ALK: variants seen among roughly 807,000 people sequenced by gnomAD.
ALK encodes the protein ALK receptor tyrosine kinase, also known as ALK tyrosine kinase receptor.
A neutral mutation model predicts 163.1 loss-of-function variants in ALK; 74 were observed. The observed-to-expected ratio is 0.45, with a 90% CI of 0.38 to 0.55. The LOEUF is 0.55. Among genes scored for constraint, ALK ranks in the 20% least tolerant of loss-of-function variants. The pLI is 0.00. For synonymous variants in ALK, 960 were observed against 843.2 expected (o/e 1.14, Z -2.40); for missense variants, 2,063 against 2,105.3 (o/e 0.98, Z 0.39).
chr2:29,365,073 C>T (rs899789926), intron 5 of ALK, among the ~76,000 whole-genome samples: 2 of 152,170 alleles, frequency 1.3e-5, no homozygotes, highest in African/African-American at 4.8e-5. Flanking sequence ...TCGGTGGATG[C>T]TGTTTGTGGC....
At chr2:29,842,882 C>T (rs201084422) in intron 1 of ALK, among the ~76,000 whole-genome samples, 4 of 152,276 alleles carry the variant, frequency 2.6e-5, no homozygotes, top group Admixed American at 2.0e-4. Context: ...AAACTATAGG[C>T]TTCCCATCTT....
chr2:29,408,551 G>T (rs1669649762), intron 4 of ALK, among the ~76,000 whole-genome samples: 1 of 152,236 alleles, frequency 6.6e-6, no homozygotes, highest in African/African-American at 2.4e-5. Flanking sequence ...TGAAGTCAGT[G>T]TTCAATCGAG....
At chr2:29,783,826 C>T (rs1322400487) in intron 1 of ALK, among the ~76,000 whole-genome samples, 1 of 152,146 alleles carries the variant, frequency 6.6e-6, no homozygotes, top group African/African-American at 2.4e-5. Flanking sequence ...CCACGGTCAC[C>T]CCCAGGGACA....
intron 1 of ALK, among the ~76,000 whole-genome samples, chr2:29,772,915 T>C (rs946976531): frequency 2.0e-5 from 3 of 152,278 alleles, no homozygotes; most frequent in Non-Finnish European, 2.9e-5. Flanking sequence ...AGGACTTCTG[T>C]GTAGGGGGAA....
chr2:29,878,441 C>A (rs147045542), intron 1 of ALK, among the ~76,000 whole-genome samples: 1 of 152,320 alleles, frequency 6.6e-6, no homozygotes, highest in African/African-American at 2.4e-5. Context: ...CTGAGGCTCA[C>A]ATGACTTGCC....
chr2:29,623,684 T>C (rs1050721729), intron 3 of ALK, among the ~76,000 whole-genome samples: 1 of 152,240 alleles, frequency 6.6e-6, no homozygotes, highest in African/African-American at 2.4e-5. Context: ...TGTTCTTAAC[T>C]GTAATGATAT....
At chr2:29,322,475 C>T (rs745928069) in intron 6 of ALK, among the ~76,000 whole-genome samples, 3 of 152,258 alleles carry the variant, frequency 2.0e-5, no homozygotes, top group Non-Finnish European at 2.9e-5. Flanking sequence ...ACATCTACTT[C>T]TCTTGCAGAA....
chr2:29,411,984 G>A (rs1468078398), intron 4 of ALK, among the ~76,000 whole-genome samples: 2 of 152,204 alleles, frequency 1.3e-5, no homozygotes, highest in African/African-American at 4.8e-5. Flanking sequence ...AGTCTTAGAT[G>A]TTGTAATCCT....
chr2:29,218,935 C>T (rs1053722249), intron 23 of ALK, among the ~76,000 whole-genome samples: 2 of 152,224 alleles, frequency 1.3e-5, no homozygotes, highest in Admixed American at 1.3e-4. Context: ...AAGGACACAA[C>T]CTCATCTTGA....
At chr2:29,872,152 T>C (rs1213495036) in intron 1 of ALK, among the ~76,000 whole-genome samples, 31 of 152,188 alleles carry the variant, frequency 2.0e-4, no homozygotes, top group Non-Finnish European at 7.3e-5. Context: ...CCCAGAATAT[T>C]TGAACAATGA....
intron 3 of ALK, among the ~76,000 whole-genome samples, chr2:29,593,749 GCT>G (rs1486098585): frequency 6.6e-6 from 1 of 152,230 alleles, no homozygotes; most frequent in Admixed American, 6.5e-5. Flanking sequence ...GCAGAATCTT[GCT>G]CTTTTTACTT....
chr2:29,682,908 G>A (rs961374256), intron 3 of ALK, among the ~76,000 whole-genome samples: 1 of 152,146 alleles, frequency 6.6e-6, no homozygotes, highest in Non-Finnish European at 1.5e-5. Flanking sequence ...AAGTCATGGT[G>A]CTCCAGAAAA....
At chr2:29,911,019 T>C (rs1667687249) in intron 1 of ALK, among the ~76,000 whole-genome samples, 1 of 152,116 alleles carries the variant, frequency 6.6e-6, no homozygotes, top group Non-Finnish European at 1.5e-5. Context: ...TACTGGGGAC[T>C]CTGAAAAGTA....
chr2:29,907,463 G>A (rs533383893), intron 1 of ALK, among the ~76,000 whole-genome samples: 2 of 152,092 alleles, frequency 1.3e-5, no homozygotes, highest in South Asian at 4.2e-4. Flanking sequence ...TTCCTGCTCT[G>A]TACAAGACAC....
At chr2:29,771,314 TA>T (rs1277855799) in intron 1 of ALK, among the ~76,000 whole-genome samples, 3 of 152,132 alleles carry the variant, frequency 2.0e-5, no homozygotes, top group Admixed American at 6.5e-5. Flanking sequence ...ACAAATGAAA[TA>T]AACTCAAACC....
rs1668910782 is a variant in ALK, at chr2:29,193,062, T to C, written c.*162A>G. On this transcript the variant is annotated 3_prime_UTR_variant, in exon 29 of 29. Transcript: ENST00000389048. ...AGGATGAACCCATGCTCAAAACCTT[T>C]CTAAAGCATTTTCAAAATACAGCTT... The C allele has an allele frequency of 1.3e-6, 1 of 778,208 alleles. No individual in the cohort carries two copies. The highest frequency in any genetic ancestry group is 2.2e-5 in the Admixed American group (1 of 45,344). 48.2% of individuals were successfully genotyped at this position (778,208 alleles called of 1,614,324 possible).
chr2:29,870,281 T>C (rs952026859), intron 1 of ALK, among the ~76,000 whole-genome samples: 1 of 152,244 alleles, frequency 6.6e-6, no homozygotes, highest in Admixed American at 6.5e-5. Context: ...CTAATGCTTC[T>C]GAGGAGGCCT....
chr2:29,779,944 A>G (rs1352929292), intron 1 of ALK, among the ~76,000 whole-genome samples: 2 of 152,186 alleles, frequency 1.3e-5, no homozygotes, highest in African/African-American at 4.8e-5. Flanking sequence ...CTTCACTGAC[A>G]CCAGGAAACT....
chr2:29,476,067 T>C (rs960173565), intron 4 of ALK, among the ~76,000 whole-genome samples: 3 of 151,780 alleles, frequency 2.0e-5, no homozygotes, highest in African/African-American at 7.3e-5. Context: ...TGGGCGGGAG[T>C]GGTCAGGAGA....
Sources: gnomAD v4.1 joint callset for allele counts (sites outside exome capture counted in the v4.1 genomes callset) on GRCh38, gnomAD v4.1.1 for gene constraint, MANE v1.5 for transcripts, NCBI Gene and HGNC (gene_info 2026-07-23, HGNC 2026-07-21) for gene names.